Variants in PDE3A observed in about 807,000 individuals in gnomAD.
The protein encoded by PDE3A is phosphodiesterase 3A.
In PDE3A, 43 loss-of-function variants were observed where a neutral mutation model predicts 98.3. The observed-to-expected ratio is 0.44, with a 90% CI of 0.34 to 0.56. The LOEUF is 0.56. Ranked by LOEUF, PDE3A falls within the 20% of genes least tolerant of loss-of-function variation. The pLI is 0.01. For missense variants in PDE3A, 1,427 were observed against 1,440.7 expected (o/e 0.99, Z 0.15); for synonymous variants, 663 against 567.9 (o/e 1.17, Z -2.38).
chr12:20,501,348 C>T (rs535093357), intron 1 of PDE3A, among the ~76,000 whole-genome samples: 34 of 152,102 alleles, frequency 2.2e-4, no homozygotes, highest in Non-Finnish European at 4.4e-4. Context: ...CATATAACCT[C>T]AGCGTCAAGT....
intron 1 of PDE3A, among the ~76,000 whole-genome samples, chr12:20,476,760 G>T (rs1295930190): frequency 1.3e-5 from 2 of 152,186 alleles, no homozygotes; most frequent in East Asian, 1.9e-4. Flanking sequence ...GAAAGGCCTT[G>T]CCCAAAGAGC....
rs1213254700 is a variant in PDE3A at position 20,552,886 on chromosome 12, C to A, written c.961-3774C>A. On this transcript the variant is annotated intron_variant, in intron 1 of 15. Transcript: ENST00000359062. The surrounding 1 kb of genome is among the most constrained non-coding windows in gnomAD (Gnocchi z 5.1). ...CAAGGACTGCCTGGACAGATCCTTT[C>A]GGGCACAGGTGTTCAGCTGCCCTGC... 1 of 1,612,334 alleles carries A rather than the reference C, an allele frequency of 6.2e-7. No individual in the cohort carries two copies.
rs766319707 is a variant in PDE3A at position 20,650,608 on chromosome 12, A to G, written c.2925+8A>G. ...AATGAATTTTATGAACAGGTAACTGACCACTGTTTAATACAGCTTAATCTG... is the reference window on the plus strand; with the variant it reads ...AATGAATTTTATGAACAGGTAACTGGCCACTGTTTAATACAGCTTAATCTG... On this transcript the variant is annotated splice_region_variant and intron_variant, in intron 14 of 15. Coordinates refer to ENST00000359062, the MANE Select transcript of PDE3A (RefSeq NM_000921.5). The G allele has an allele frequency of 2.1e-5, 34 of 1,593,676 alleles. No individual in the cohort carries two copies. The highest frequency in any genetic ancestry group is 2.9e-5 in the Non-Finnish European group (34 of 1,162,680).
chr12:20,645,047 C>A (rs571919840), intron 10 of PDE3A, among the ~76,000 whole-genome samples: 23 of 151,900 alleles, frequency 1.5e-4, no homozygotes, highest in Non-Finnish European at 2.6e-4. Context: ...CACCACCACG[C>A]TCGGCTAATT....
At chr12:20,470,735 T>G in intron 1 of PDE3A, among the ~76,000 whole-genome samples, 1 of 150,596 alleles carries the variant, frequency 6.6e-6, no homozygotes, top group South Asian at 2.1e-4. Flanking sequence ...TTTCTAAAAC[T>G]TTCACAGTGC....
chr12:20,551,619 G>C, intron 1 of PDE3A: 29 of 1,573,170 alleles, frequency 1.8e-5, no homozygotes, highest in Non-Finnish European at 2.5e-5. Context: ...CCGACAAGCA[G>C]CTCATGTGCG....
chr12:20,541,254 C>T (rs1022707810), intron 1 of PDE3A, among the ~76,000 whole-genome samples: 6 of 151,380 alleles, frequency 4.0e-5, no homozygotes, highest in Non-Finnish European at 7.4e-5. Context: ...CACAACACCA[C>T]ACCTGGCTAA....
intron 1 of PDE3A, among the ~76,000 whole-genome samples, chr12:20,521,989 C>A (rs964824310): frequency 6.6e-6 from 1 of 152,288 alleles, no homozygotes; most frequent in East Asian, 1.9e-4. Flanking sequence ...CCCTCATTAA[C>A]CCCAAACTCA....
intron 10 of PDE3A, among the ~76,000 whole-genome samples, chr12:20,645,078 G>A (rs1184856639): frequency 3.3e-5 from 5 of 151,842 alleles, no homozygotes; most frequent in East Asian, 3.9e-4. Flanking sequence ...TGGTATAGAC[G>A]GGATTTTACC....
intron 5 of PDE3A, among the ~76,000 whole-genome samples, chr12:20,628,024 G>T (rs10770679): frequency 0.2 from 30,321 of 152,028 alleles, 3,109 homozygotes; most frequent in East Asian, 0.38. Flanking sequence ...TGTGAATATC[G>T]TAGCATTAGA....
At chr12:20,649,926 C>CA (rs1024129139) in intron 13 of PDE3A, among the ~76,000 whole-genome samples, 9 of 144,386 alleles carry the variant, frequency 6.2e-5, no homozygotes, top group East Asian at 4.4e-4. Context: ...GACTCTGTCT[C>CA]AAAAAAAGAA....
chr12:20,558,436 A>G (rs1403325838), intron 2 of PDE3A, among the ~76,000 whole-genome samples: 2 of 152,012 alleles, frequency 1.3e-5, no homozygotes, highest in Non-Finnish European at 2.9e-5. Flanking sequence ...ATCAACATCA[A>G]GTCTTTTTTG....
intron 1 of PDE3A, chr12:20,449,681 G>T (rs1945028295): frequency 2.3e-6 from 1 of 443,324 alleles, no homozygotes. Flanking sequence ...GTAAACTTCA[G>T]CATTCTTACA....
chr12:20,643,367 T>C (rs1262487711), intron 10 of PDE3A, among the ~76,000 whole-genome samples: 1 of 152,214 alleles, frequency 6.6e-6, no homozygotes, highest in Non-Finnish European at 1.5e-5. Flanking sequence ...CCTTGCTAGC[T>C]TCTTTCCTGG....
Position 20,663,322 on chromosome 12 carries a change from C to A in PDE3A, c.3184+9117C>A, listed in dbSNP as rs138019976. Among the ~76,000 whole-genome samples the A allele has an allele frequency of 3.4e-3, 512 of 152,348 alleles. 2 individuals are homozygous for A. The highest frequency in any genetic ancestry group is 0.012 in the African/African-American group (483 of 41,580). On this transcript the variant is annotated intron_variant, in intron 15 of 15. Transcript: ENST00000359062. ...ACACAGAGTTCCTACTGGTGCACTG[C>A]ACAGTGGAGCTGTAAGAAGAGGGCC...
At chr12:20,655,853 A>G (rs1945030926) in intron 15 of PDE3A, among the ~76,000 whole-genome samples, 1 of 152,150 alleles carries the variant, frequency 6.6e-6, no homozygotes, top group Non-Finnish European at 1.5e-5. Context: ...GAGACCATTG[A>G]AATTATCCAA....
At chr12:20,664,432 T>C (rs1945257321) in intron 15 of PDE3A, among the ~76,000 whole-genome samples, 1 of 152,204 alleles carries the variant, frequency 6.6e-6, no homozygotes. Flanking sequence ...TTTACCTCTC[T>C]ACTCAGAGGT....
At chr12:20,458,843 C>T (rs537331106) in intron 1 of PDE3A, among the ~76,000 whole-genome samples, 6 of 152,216 alleles carry the variant, frequency 3.9e-5, no homozygotes, top group Admixed American at 3.3e-4. Flanking sequence ...TTGAGGCCAT[C>T]GGACTGTTGT....
chr12:20,381,155 G>A lies in PDE3A; in HGVS notation c.960+10911G>A, dbSNP rs369415255. 2.8e-4 allele frequency among the ~76,000 whole-genome samples: 43 copies of A among 151,948 alleles called. No individual in the cohort carries two copies. In the South Asian group the frequency reaches 8.9e-3, roughly 32 times the overall value. ...ATCTTAACCCCTTTACAGAGCTACA[G>A]CTAGAGCTTTTAAGTGTTTTTGGTG... On this transcript the variant is annotated intron_variant, in intron 1 of 15. Transcript: ENST00000359062.
Sources: allele counts gnomAD v4.1 joint callset (sites outside exome capture counted in the v4.1 genomes callset), GRCh38; gene constraint gnomAD v4.1.1; non-coding constraint Gnocchi (gnomAD v3.1); transcripts MANE v1.5; gene names NCBI Gene and HGNC (gene_info 2026-07-23, HGNC 2026-07-21).